The following MAPK6 variants were observed in gnomAD, a reference collection of about 807,000 sequenced individuals.
MAPK6 encodes ERK-3.
In MAPK6, 19 loss-of-function variants were observed where a neutral mutation model predicts 59.3. That is an observed-to-expected ratio of 0.32 (90% confidence interval 0.22 to 0.47). The LOEUF (loss-of-function observed/expected upper bound fraction) is 0.47, where lower values mean the gene tolerates loss of function less well. Ranked by LOEUF, MAPK6 falls within the 20% of genes least tolerant of loss-of-function variation. The probability of loss-of-function intolerance (pLI) is 1.00; values close to 1 mark genes in which losing one functional copy is unlikely to be tolerated. For synonymous variants in MAPK6, 316 were observed against 290.3 expected (o/e 1.09, Z -0.90); for missense variants, 724 against 847.9 (o/e 0.85, Z 1.81).
At chr15:52,034,780 C>G (rs181210444) in intron 1 of MAPK6, among the ~76,000 whole-genome samples, 4 of 152,274 alleles carry the variant, frequency 2.6e-5, no homozygotes, top group Non-Finnish European at 5.9e-5. Context: ...TCACTACAAC[C>G]TCCTCCTCCC....
At chr15:52,000,344 A>G (rs768106328) in intron 2 of MAPK6, among the ~76,000 whole-genome samples, 1 of 152,200 alleles carries the variant, frequency 6.6e-6, no homozygotes, top group Non-Finnish European at 1.5e-5. Flanking sequence ...TTGGTGTCGT[A>G]TCTAAGAACC....
chr15:52,046,757 G>T lies in MAPK6; in HGVS notation c.297G>T (p.Thr99=). ...TAACAGACGATGTGGGCTCTCTTACGGAACTGAACAGTGTTTACATTGTTC... is the reference window on the plus strand; with the variant it reads ...TAACAGACGATGTGGGCTCTCTTACTGAACTGAACAGTGTTTACATTGTTC... The part of the protein sequence containing the change: ...SQLTDDVGSL[T]ELNSVYIVQE... Residue 99 remains threonine, a synonymous_variant, in exon 2 of 6, where the codon ACG becomes ACT. Coordinates refer to ENST00000261845, the MANE Select transcript of MAPK6 (RefSeq NM_002748.4). The T allele has an allele frequency of 1.2e-6, 2 of 1,614,142 alleles. No individual in the cohort carries two copies. The highest frequency in any genetic ancestry group is 1.7e-6 in the Non-Finnish European group (2 of 1,180,006).
At position 52,024,645 on chromosome 15, in the gene MAPK6, C is replaced by T. The variant is rs1347003683; in HGVS notation, c.-632+5269C>T. On this transcript the variant is annotated intron_variant, in intron 1 of 5. Coordinates refer to ENST00000261845, the MANE Select transcript of MAPK6 (RefSeq NM_002748.4). The stretch of plus-strand genomic sequence containing the variant: ...CGATTTCCTGACCTTGTGATCCGCC[C>T]GCCTCGGATCCGCCCGCCCGCCCAG... 5.3e-5 allele frequency: 8 copies of T among 152,158 alleles called. No individual in the cohort carries two copies. The East Asian group carries it at 5.8e-4, about 11-fold the overall frequency. 9.4% of individuals were successfully genotyped at this position (152,158 alleles called of 1,614,324 possible).
intron 1 of MAPK6, among the ~76,000 whole-genome samples, chr15:52,022,272 T>C (rs1411631572): frequency 2.0e-5 from 3 of 152,216 alleles, no homozygotes; most frequent in African/African-American, 7.2e-5. Flanking sequence ...GTGTTTGTTG[T>C]TTTTGTGAGA....
chr15:51,974,997 G>A (rs564413325), intron 1 of MAPK6, among the ~76,000 whole-genome samples: 4 of 151,594 alleles, frequency 2.6e-5, no homozygotes, highest in East Asian at 2.0e-4. Context: ...GATTACTGGC[G>A]TCAGCCACCG....
At chr15:52,049,473 G>A (rs144516334) in intron 2 of MAPK6, among the ~76,000 whole-genome samples, 2,089 of 149,142 alleles carry the variant, frequency 0.014, 61 homozygotes, top group African/African-American at 0.05. Flanking sequence ...GACTACAGGC[G>A]TGTGCCACCA....
Position 52,064,507 on chromosome 15 carries a change from C to A in MAPK6, c.1673C>A (p.Ser558Tyr). Residue 558 changes from serine (S) to tyrosine (Y), a missense_variant, in exon 6 of 6, where the codon TCC (serine) becomes TAC (tyrosine). Ser to Tyr is a moderately radical substitution (Grantham distance 144). Around this residue, in one of 4 missense-constraint regions of MAPK6, gnomAD observed 502 missense variants for 507.6 expected, o/e 0.99. Coordinates refer to ENST00000261845, the MANE Select transcript of MAPK6 (RefSeq NM_002748.4). ...DKLNDLNSSV[S>Y]QLELKSLISK... ...TTAAATGACTTGAATAGCTCAGTGTCCCAACTAGAATTGAAAAGTTTGATA... is the reference window on the plus strand; with the variant it reads ...TTAAATGACTTGAATAGCTCAGTGTACCAACTAGAATTGAAAAGTTTGATA... 6.2e-7 allele frequency: 1 copy of A among 1,609,508 alleles called. No individual in the cohort carries two copies. The highest frequency in any genetic ancestry group is 8.5e-7 in the Non-Finnish European group (1 of 1,178,912).
At chr15:52,054,597 C>T (rs1207562728) in intron 3 of MAPK6, among the ~76,000 whole-genome samples, 1 of 152,114 alleles carries the variant, frequency 6.6e-6, no homozygotes, top group Non-Finnish European at 1.5e-5. Context: ...ACTAAGTACG[C>T]TTCATGGTCA....
At chr15:52,032,460 G>T (rs2031074305) in intron 1 of MAPK6, among the ~76,000 whole-genome samples, 1 of 152,130 alleles carries the variant, frequency 6.6e-6, no homozygotes, top group Admixed American at 6.5e-5. Context: ...AAAGTGCTGG[G>T]ATTACAGGCG....
At chr15:52,013,006 AAAAAAAAAAAAAAAATATATATATAT>A (rs1310020115) in intron 3 of MAPK6, among the ~76,000 whole-genome samples, 253 of 22,936 alleles carry the variant, frequency 0.011, no homozygotes, top group African/African-American at 0.025. Context: ...AAAAAAAAAA[AAAAAAAAAAAAAAAATATATATATAT>A]ATATATATAT....
At chr15:52,031,200 C>G (rs1005077009) in intron 1 of MAPK6, among the ~76,000 whole-genome samples, 1 of 151,742 alleles carries the variant, frequency 6.6e-6, no homozygotes, top group South Asian at 2.1e-4. Flanking sequence ...CCCAATGTGC[C>G]GGGACTACAG....
At chr15:52,058,140 C>T (rs2032055443) in intron 3 of MAPK6, among the ~76,000 whole-genome samples, 1 of 149,178 alleles carries the variant, frequency 6.7e-6, no homozygotes, top group African/African-American at 2.6e-5. Context: ...CTAAAGTTTC[C>T]CCCTTTATTT....
chr15:52,043,557 A>G (rs1595994547), intron 1 of MAPK6, among the ~76,000 whole-genome samples: 1 of 152,052 alleles, frequency 6.6e-6, no homozygotes, highest in South Asian at 2.1e-4. Context: ...TTGGCCTCCC[A>G]AAGTGCTGGG....
At chr15:52,009,528 G>C (rs889820587) in intron 3 of MAPK6, among the ~76,000 whole-genome samples, 1 of 152,206 alleles carries the variant, frequency 6.6e-6, no homozygotes, top group Admixed American at 6.5e-5. Flanking sequence ...TGTATTACTA[G>C]TTTAATTCTA....
rs2057184903 is a variant in MAPK6 at position 51,984,539 on chromosome 15, G to A, written c.-770+1224G>A. On this transcript the variant is annotated intron_variant, in intron 2 of 7. Transcript: ENST00000691380. ...AGGATGGTCTTGATCTCCTGACCTC[G>A]TGATCCGCCCGCCTCAGCCTCCCAA... Among the ~76,000 whole-genome samples the A allele has an allele frequency of 2.1e-5, 3 of 142,260 alleles. No individual in the cohort carries two copies. In the South Asian group the frequency reaches 6.5e-4, roughly 31 times the overall value. The allele number at this position is 142,260 out of a possible 152,430, so 93.3% of individuals were successfully genotyped here.
In MAPK6 at chr15:52,057,963, C is replaced by T. The variant is rs1820256828; in HGVS notation, c.701-670C>T. On this transcript the variant is annotated intron_variant, in intron 3 of 5. Coordinates refer to ENST00000261845, the MANE Select transcript of MAPK6 (RefSeq NM_002748.4). ...TTTCATAACTGTATTCTCAAGTGTCCTGCGCATAGTAGGAACTAAAAGGAA... is the reference window on the plus strand; with the variant it reads ...TTTCATAACTGTATTCTCAAGTGTCTTGCGCATAGTAGGAACTAAAAGGAA... 2.6e-5 allele frequency among the ~76,000 whole-genome samples: 4 copies of T among 152,084 alleles called. No individual in the cohort carries two copies. In the South Asian group the frequency reaches 6.2e-4, roughly 24 times the overall value.
At chr15:52,060,165 G>A (rs2032144314) in intron 4 of MAPK6, among the ~76,000 whole-genome samples, 2 of 152,156 alleles carry the variant, frequency 1.3e-5, no homozygotes, top group South Asian at 4.1e-4. Flanking sequence ...CTTGAGCCCA[G>A]GAGTTCAAGG....
At chr15:51,984,447 A>ATTTTTCT in intron 2 of MAPK6, among the ~76,000 whole-genome samples, 1 of 69,984 alleles carries the variant, frequency 1.4e-5, no homozygotes, top group South Asian at 7.5e-4. Context: ...ACGCCGGCTA[A>ATTTTTCT]TTTTTTTTTT....
chr15:52,024,193 A>T (rs369173242), intron 1 of MAPK6, among the ~76,000 whole-genome samples: 18 of 152,298 alleles, frequency 1.2e-4, no homozygotes, highest in African/African-American at 4.3e-4. Flanking sequence ...TGGAGGGGTC[A>T]TGGGCATTAT....
Sources: gnomAD v4.1 joint callset for allele counts (sites outside exome capture counted in the v4.1 genomes callset) on GRCh38, gnomAD v4.1.1 for gene constraint, gnomAD v4.1.1 regional missense constraint, MANE v1.5 for transcripts, NCBI Gene and HGNC (gene_info 2026-07-23, HGNC 2026-07-21) for gene names.